Variants in KCNQ1 observed in about 807,000 individuals in gnomAD.
KCNQ1 encodes the protein potassium voltage-gated channel subfamily Q member 1.
KCNQ1 carries 49 observed loss-of-function variants against 72.4 expected under a neutral mutation model. The ratio of observed to expected loss-of-function variants is 0.68; its 90% CI spans 0.54 to 0.86. The LOEUF is 0.86. Ranked by LOEUF, KCNQ1 falls within the 40% of genes least tolerant of loss-of-function variation. The pLI, the probability that KCNQ1 is intolerant of heterozygous loss-of-function variation, is 0.00. For missense variants in KCNQ1, 790 were observed against 945.1 expected (o/e 0.84, Z 2.15); for synonymous variants, 450 against 412.6 (o/e 1.09, Z -1.10).
At chr11:2,582,933 G>A (rs900429103) in intron 6 of KCNQ1, among the ~76,000 whole-genome samples, 5 of 152,178 alleles carry the variant, frequency 3.3e-5, no homozygotes, top group Non-Finnish European at 7.4e-5. Flanking sequence ...GGCTTGAGCT[G>A]CATCTTGTAC....
intron 2 of KCNQ1, among the ~76,000 whole-genome samples, chr11:2,560,358 G>A (rs1276582853): frequency 6.2e-4 from 36 of 58,210 alleles, no homozygotes; most frequent in African/African-American, 2.5e-3. Flanking sequence ...GGAATGGGGG[G>A]GGTGACATCC....
chr11:2,719,790 C>T (rs1225208851), intron 11 of KCNQ1, among the ~76,000 whole-genome samples: 1 of 152,204 alleles, frequency 6.6e-6, no homozygotes, highest in South Asian at 2.1e-4. Flanking sequence ...TGCAGAGCTT[C>T]GGAGCCAAAC....
intron 10 of KCNQ1, chr11:2,643,209 T>G (rs1249769464): frequency 1.3e-5 from 5 of 398,212 alleles, no homozygotes; most frequent in Non-Finnish European, 2.2e-5. Context: ...ATCCAATGTT[T>G]CTTTGTTAAT....
chr11:2,553,177 G>GT (rs148815283), intron 2 of KCNQ1, among the ~76,000 whole-genome samples: 22,200 of 119,756 alleles, frequency 0.19, 1,949 homozygotes, highest in East Asian at 0.33. Flanking sequence ...TTTTTTTTTT[G>GT]TTTTTTTGTA....
At position 2,782,751 on chromosome 11, in the gene KCNQ1, G is replaced by A. The variant is rs1056763288; in HGVS notation, c.1794+4714G>A. On this transcript the variant is annotated intron_variant, in intron 15 of 15. Transcript: ENST00000155840. The surrounding 1 kb of genome is among the most constrained non-coding windows in gnomAD (Gnocchi z 6.1). ...GGCATTTATTATAATTTTAATGTCC[G>A]TCCATTAGCATTTAGTCCCATTTTT... 3.9e-5 allele frequency among the ~76,000 whole-genome samples: 6 copies of A among 151,948 alleles called. No homozygotes were observed. Among genetic ancestry groups the A allele is most frequent in the South Asian group, 4.1e-4 (2 of 4,828 alleles).
chr11:2,801,332 C>G (rs1004196031), intron 15 of KCNQ1, among the ~76,000 whole-genome samples: 4 of 152,244 alleles, frequency 2.6e-5, no homozygotes, highest in African/African-American at 9.6e-5. Context: ...TCCCCTCTAG[C>G]TCTCCAGCTT....
chr11:2,584,677 TTGTGTG>T (rs758714048), intron 7 of KCNQ1, among the ~76,000 whole-genome samples: 3 of 151,544 alleles, frequency 2.0e-5, no homozygotes, highest in Admixed American at 1.3e-4. Context: ...GGGTTAGTGT[TTGTGTG>T]TGTGTCAGTG....
rs531696809 is a variant in KCNQ1, at chr11:2,767,117, G to A, written c.1515-1727G>A. On this transcript the variant is annotated intron_variant, in intron 11 of 15. Transcript: ENST00000155840. This position sits in a 1 kb window ranked among gnomAD's most constrained non-coding sequence, Gnocchi z 4.6. ...CGGGAGGCGGAGGCTGCAGTGAGCC[G>A]AGGTTGTGCCACTGCACTCCAGCCT... is the stretch of plus-strand genomic sequence containing the variant. 3.3e-5 allele frequency among the ~76,000 whole-genome samples: 5 copies of A among 152,312 alleles called. No homozygotes were observed. In the East Asian group the frequency reaches 5.8e-4, roughly 18 times the overall value.
chr11:2,729,702 G>A (rs1481313037), intron 11 of KCNQ1, among the ~76,000 whole-genome samples: 1 of 152,206 alleles, frequency 6.6e-6, no homozygotes, highest in Non-Finnish European at 1.5e-5. Flanking sequence ...GATGTATGTG[G>A]CCTCCATGTC....
At chr11:2,521,008 C>T (rs188057504) in intron 1 of KCNQ1, among the ~76,000 whole-genome samples, 53 of 127,818 alleles carry the variant, frequency 4.1e-4, no homozygotes, top group Non-Finnish European at 5.4e-4. Flanking sequence ...TTTGAACCCT[C>T]TGATGCTTGC....
In KCNQ1 at chr11:2,691,389, T is replaced by C. The variant is rs145554506; in HGVS notation, c.1514+29308T>C. ...GGGCTCAGGCCTCTGGGTCTGGGCATAGAAGCCCAGGAACTGCTGTCTGTG... is the reference window on the plus strand; with the variant it reads ...GGGCTCAGGCCTCTGGGTCTGGGCACAGAAGCCCAGGAACTGCTGTCTGTG... On this transcript the variant is annotated intron_variant, in intron 11 of 15. Coordinates refer to ENST00000155840, the MANE Select transcript of KCNQ1 (RefSeq NM_000218.3). This position sits in a 1 kb window ranked among gnomAD's most constrained non-coding sequence, Gnocchi z 6.4. 84 of 398,648 alleles carry C rather than the reference T, an allele frequency of 2.1e-4. No individual in the cohort carries two copies. The East Asian group carries it at 3.0e-3, about 14-fold the overall frequency. 24.7% of individuals were successfully genotyped at this position (398,648 alleles called of 1,614,324 possible). A position where few individuals can be genotyped will look rare whatever the true frequency, so the allele number is the denominator to read the frequency against.
chr11:2,587,355 G>A (rs1848606019), intron 8 of KCNQ1, among the ~76,000 whole-genome samples: 1 of 152,218 alleles, frequency 6.6e-6, no homozygotes, highest in African/African-American at 2.4e-5. Flanking sequence ...ATGAGGCAGT[G>A]AGCTGCCTGG....
chr11:2,728,387 A>G (rs1322812098), intron 11 of KCNQ1, among the ~76,000 whole-genome samples: 1 of 152,222 alleles, frequency 6.6e-6, no homozygotes, highest in Non-Finnish European at 1.5e-5. Context: ...GCTGAACGCC[A>G]ACTGGTTAGC....
chr11:2,716,020 C>G (rs1851086606), intron 11 of KCNQ1, among the ~76,000 whole-genome samples: 1 of 152,180 alleles, frequency 6.6e-6, no homozygotes, highest in South Asian at 2.1e-4. Context: ...GCTGCCCTGC[C>G]TTTGACCTCT....
At chr11:2,697,129 G>A in intron 11 of KCNQ1, 2 of 398,526 alleles carry the variant, frequency 5.0e-6, no homozygotes, top group South Asian at 2.5e-4. Flanking sequence ...GTTTTCCAGA[G>A]GCAGCACACC....
At chr11:2,740,651 G>T (rs541168444) in intron 11 of KCNQ1, among the ~76,000 whole-genome samples, 3 of 152,318 alleles carry the variant, frequency 2.0e-5, no homozygotes, top group South Asian at 4.1e-4. Flanking sequence ...CTAAAATCAA[G>T]GTGTCCTCAG....
At chr11:2,571,903 G>A (rs936328848) in intron 4 of KCNQ1, 110 bp from the exon 5 acceptor site, 22 of 854,962 alleles carry the variant, frequency 2.6e-5, no homozygotes, top group Admixed American at 8.0e-5. Flanking sequence ...CAGAGTGGAC[G>A]CCTGGGAGGG....
chr11:2,513,611 C>A (rs1449297016), intron 1 of KCNQ1, among the ~76,000 whole-genome samples: 1 of 152,226 alleles, frequency 6.6e-6, no homozygotes, highest in Non-Finnish European at 1.5e-5. Context: ...GGAGAGACAG[C>A]CACCCGCCTG....
chr11:2,780,249 G>A (rs1285466699), intron 15 of KCNQ1, among the ~76,000 whole-genome samples: 1 of 152,214 alleles, frequency 6.6e-6, no homozygotes, highest in Non-Finnish European at 1.5e-5. Flanking sequence ...GCACCCCTCA[G>A]GGACAGACCC....
Sources: gnomAD v4.1 joint callset for allele counts (sites outside exome capture counted in the v4.1 genomes callset) on GRCh38, gnomAD v4.1.1 for gene constraint, Gnocchi (gnomAD v3.1) non-coding constraint, MANE v1.5 for transcripts, NCBI Gene and HGNC (gene_info 2026-07-23, HGNC 2026-07-21) for gene names.